NRG1: variants seen among roughly 807,000 people sequenced by gnomAD.
NRG1 encodes the protein pro-neuregulin-1, membrane-bound isoform.
A neutral mutation model predicts 63.8 loss-of-function variants in NRG1; 18 were observed. The ratio of observed to expected loss-of-function variants is 0.28; its 90% CI spans 0.19 to 0.42. NRG1 has a LOEUF of 0.42. NRG1 is among the 10% of genes least tolerant of loss of function. The pLI is 1.00. For missense variants in NRG1, 762 were observed against 814.7 expected (o/e 0.94, Z 0.79); for synonymous variants, 302 against 301.3 (o/e 1.00, Z -0.02).
chr8:32,372,244 C>T (rs771390218), intron 1 of NRG1, among the ~76,000 whole-genome samples: 1 of 152,046 alleles, frequency 6.6e-6, no homozygotes, highest in African/African-American at 2.4e-5. Context: ...CTCTCCTCAG[C>T]CTCCCAAAGT....
intron 1 of NRG1, among the ~76,000 whole-genome samples, chr8:31,709,494 T>A (rs1458740865): frequency 1.3e-5 from 2 of 152,074 alleles, no homozygotes; most frequent in African/African-American, 4.8e-5. Context: ...TTTTTTAAAA[T>A]TTTTCCTTGT....
intron 6 of NRG1, among the ~76,000 whole-genome samples, chr8:32,741,433 CAA>C (rs1285784852): frequency 6.6e-6 from 1 of 151,984 alleles, no homozygotes; most frequent in Non-Finnish European, 1.5e-5. Flanking sequence ...ACATTAAAAA[CAA>C]GAGTTTATTT....
intron 1 of NRG1, among the ~76,000 whole-genome samples, chr8:32,265,700 G>T (rs1221042205): frequency 6.6e-6 from 1 of 151,886 alleles, no homozygotes; most frequent in Non-Finnish European, 1.5e-5. Context: ...AAAATTAGCT[G>T]GGTTTGGTGG....
chr8:32,760,948 A>G, intron 11 of NRG1: 1 of 986,556 alleles, frequency 1.0e-6, no homozygotes, highest in Non-Finnish European at 1.2e-6. Context: ...CTATTTTATG[A>G]AATTCCAAGA....
chr8:32,156,214 G>A (rs533805085), intron 1 of NRG1, among the ~76,000 whole-genome samples: 5 of 152,170 alleles, frequency 3.3e-5, no homozygotes, highest in Admixed American at 6.5e-5. Context: ...GCAGTTCCCC[G>A]GGGTTAGAAT....
intron 1 of NRG1, among the ~76,000 whole-genome samples, chr8:32,012,517 A>G (rs1814916087): frequency 6.6e-6 from 1 of 152,132 alleles, no homozygotes; most frequent in Admixed American, 6.6e-5. Flanking sequence ...CTTAAGAATT[A>G]TAATGAGATC....
chr8:32,695,524 G>A (rs1479681381), intron 5 of NRG1, among the ~76,000 whole-genome samples: 1 of 152,190 alleles, frequency 6.6e-6, no homozygotes, highest in African/African-American at 2.4e-5. Flanking sequence ...GGCATTTTCT[G>A]TACTGAGAAC....
chr8:32,477,228 C>G (rs1824637989), intron 1 of NRG1, among the ~76,000 whole-genome samples: 1 of 152,138 alleles, frequency 6.6e-6, no homozygotes, highest in African/African-American at 2.4e-5. Flanking sequence ...CAAGGAGGCT[C>G]TCATTCTGGA....
chr8:32,717,560 A>G (rs1047234785), intron 5 of NRG1, among the ~76,000 whole-genome samples: 1 of 152,166 alleles, frequency 6.6e-6, no homozygotes, highest in African/African-American at 2.4e-5. Context: ...AGCAAGATTC[A>G]TATGCTCAAA....
chr8:32,102,539 A>G (rs1830708111), intron 1 of NRG1, among the ~76,000 whole-genome samples: 1 of 152,222 alleles, frequency 6.6e-6, no homozygotes. Context: ...GAGACAAAAT[A>G]TAAACAAACA....
chr8:31,884,996 T>C (rs1830613508), intron 1 of NRG1, among the ~76,000 whole-genome samples: 1 of 152,092 alleles, frequency 6.6e-6, no homozygotes, highest in Admixed American at 6.6e-5. Context: ...AGCCAATGCT[T>C]GGTGGGTATG....
intron 1 of NRG1, among the ~76,000 whole-genome samples, chr8:32,217,121 G>T (rs1026463844): frequency 3.3e-5 from 5 of 150,682 alleles, no homozygotes; most frequent in Non-Finnish European, 7.4e-5. Context: ...GCTGAGGCAG[G>T]AGAACCACTT....
At chr8:31,766,908 AG>A (rs1171123577) in intron 1 of NRG1, among the ~76,000 whole-genome samples, 1 of 152,182 alleles carries the variant, frequency 6.6e-6, no homozygotes, top group Non-Finnish European at 1.5e-5. Context: ...CTTGGGCAAA[AG>A]CTTCTCCCTT....
At chr8:32,646,085 G>A (rs1358265471) in intron 5 of NRG1, among the ~76,000 whole-genome samples, 1 of 152,196 alleles carries the variant, frequency 6.6e-6, no homozygotes, top group Non-Finnish European at 1.5e-5. Flanking sequence ...ATCTAAAAAT[G>A]AAGTGGTAGC....
intron 1 of NRG1, among the ~76,000 whole-genome samples, chr8:31,775,162 T>A (rs547984725): frequency 4.9e-4 from 74 of 152,342 alleles, no homozygotes; most frequent in African/African-American, 1.8e-3. Flanking sequence ...ATCACAGTAC[T>A]ATTCACAATA....
At chr8:32,570,931 G>A (rs1055159957) in intron 1 of NRG1, among the ~76,000 whole-genome samples, 1 of 152,126 alleles carries the variant, frequency 6.6e-6, no homozygotes, top group Non-Finnish European at 1.5e-5. Flanking sequence ...GTTAATCTGA[G>A]CCAAATTTCT....
At chr8:32,138,628 T>C (rs1835855951) in intron 1 of NRG1, among the ~76,000 whole-genome samples, 1 of 152,020 alleles carries the variant, frequency 6.6e-6, no homozygotes, top group Non-Finnish European at 1.5e-5. Flanking sequence ...AGTGGTGCAG[T>C]CTTGGCTCAC....
intron 1 of NRG1, among the ~76,000 whole-genome samples, chr8:32,530,631 T>G (rs1041911476): frequency 2.6e-5 from 4 of 152,210 alleles, no homozygotes; most frequent in Non-Finnish European, 5.9e-5. Context: ...TCTGGTCACA[T>G]CCCTATTCCA....
At chr8:31,870,567 G>T (rs1405455719) in intron 1 of NRG1, among the ~76,000 whole-genome samples, 4 of 151,976 alleles carry the variant, frequency 2.6e-5, no homozygotes, top group South Asian at 2.1e-4. Context: ...AATATTTTTT[G>T]ATTATAGAAT....
Sources: allele counts gnomAD v4.1 joint callset (sites outside exome capture counted in the v4.1 genomes callset), GRCh38; gene constraint gnomAD v4.1.1; transcripts MANE v1.5; gene names NCBI Gene and HGNC (gene_info 2026-07-23, HGNC 2026-07-21).